The following BDKRB2 variants were observed in gnomAD, a reference collection of about 807,000 sequenced individuals.
BDKRB2 encodes the protein B2 bradykinin receptor.
BDKRB2 carries 6 observed loss-of-function variants against 4.0 expected under a neutral mutation model. That is an observed-to-expected ratio of 1.49 (90% CI 0.81 to 2.93). The LOEUF is 2.93. Ranked by LOEUF, BDKRB2 falls within the 30% of genes most tolerant of loss-of-function variation. BDKRB2 has a pLI of 0.00. For synonymous variants in BDKRB2, 225 were observed against 215.3 expected (o/e 1.05, Z -0.40); for missense variants, 478 against 520.1 (o/e 0.92, Z 0.79).
chr14:96,236,405 A>G (rs1329426761), intron 1 of BDKRB2, among the ~76,000 whole-genome samples: 1 of 152,086 alleles, frequency 6.6e-6, no homozygotes, highest in Non-Finnish European at 1.5e-5. Context: ...CAGTCTAAAC[A>G]CATGACCTTT....
At chr14:96,220,725 G>A (rs1173316348) in intron 1 of BDKRB2, among the ~76,000 whole-genome samples, 1 of 149,764 alleles carries the variant, frequency 6.7e-6, no homozygotes, top group Admixed American at 6.8e-5. Flanking sequence ...CAGCCCCCTC[G>A]CTTCCTGCTT....
intron 1 of BDKRB2, among the ~76,000 whole-genome samples, chr14:96,218,528 C>G (rs1890479651): frequency 6.6e-6 from 1 of 152,236 alleles, no homozygotes; most frequent in East Asian, 1.9e-4. Flanking sequence ...CAAGGGAAGC[C>G]CAAGGACATG....
At position 96,241,526 on chromosome 14, in the gene BDKRB2, G is replaced by C. The variant is rs375469624; in HGVS notation, c.*22G>C. ...GTGAGCAAACGCCAGCAGGGCTGCTGTGAATTTGTGTAAGGATTGAGGGAC... is the reference window on the plus strand; with the variant it reads ...GTGAGCAAACGCCAGCAGGGCTGCTCTGAATTTGTGTAAGGATTGAGGGAC... On this transcript the variant is annotated 3_prime_UTR_variant, in exon 3 of 3. Coordinates refer to ENST00000554311, the MANE Select transcript of BDKRB2 (RefSeq NM_001379692.1). 7 of 1,508,552 alleles carry C rather than the reference G, an allele frequency of 4.6e-6. No individual in the cohort carries two copies. Among genetic ancestry groups the C allele is most frequent in the Non-Finnish European group, 6.2e-6 (7 of 1,136,592 alleles). The allele number at this position is 1,508,552 out of a possible 1,614,324, so 93.4% of individuals were successfully genotyped here.
intron 1 of BDKRB2, among the ~76,000 whole-genome samples, chr14:96,212,923 G>T (rs984858305): frequency 6.6e-6 from 1 of 151,892 alleles, no homozygotes; most frequent in African/African-American, 2.4e-5. Context: ...TGCTTCATAT[G>T]CTTTATAGGA....
chr14:96,229,822 A>G (rs1451298918), intron 1 of BDKRB2, among the ~76,000 whole-genome samples: 1 of 152,180 alleles, frequency 6.6e-6, no homozygotes, highest in Non-Finnish European at 1.5e-5. Flanking sequence ...ATTAAATTAA[A>G]TTAAATTGAA....
chr14:96,228,292 T>G (rs1354572520), intron 1 of BDKRB2, among the ~76,000 whole-genome samples: 2 of 152,242 alleles, frequency 1.3e-5, no homozygotes, highest in African/African-American at 4.8e-5. Flanking sequence ...TGCCATTCAC[T>G]GATGGCTAAG....
At chr14:96,216,743 A>G (rs1890431101) in intron 1 of BDKRB2, among the ~76,000 whole-genome samples, 1 of 97,602 alleles carries the variant, frequency 1.0e-5, no homozygotes, top group Non-Finnish European at 2.0e-5. Context: ...AAGGAGGAGG[A>G]GGAGGAAGGA....
At chr14:96,220,516 T>A (rs1475023345) in intron 1 of BDKRB2, among the ~76,000 whole-genome samples, 1 of 151,998 alleles carries the variant, frequency 6.6e-6, no homozygotes, top group Non-Finnish European at 1.5e-5. Context: ...ATCATCAAGG[T>A]CTTTTTGTCC....
intron 1 of BDKRB2, among the ~76,000 whole-genome samples, chr14:96,221,152 G>C (rs1474867482): frequency 6.6e-6 from 1 of 152,088 alleles, no homozygotes; most frequent in Non-Finnish European, 1.5e-5. Context: ...GATAGTACCA[G>C]TGCCTGCATC....
At chr14:96,235,807 CCACACATG>C (rs1890919365) in intron 1 of BDKRB2, among the ~76,000 whole-genome samples, 1 of 142,826 alleles carries the variant, frequency 7.0e-6, no homozygotes, top group Non-Finnish European at 1.6e-5. Flanking sequence ...ACCCACATAC[CCACACATG>C]CACACACACA....
intron 1 of BDKRB2, among the ~76,000 whole-genome samples, chr14:96,216,352 C>T (rs1364746654): frequency 6.6e-6 from 1 of 152,016 alleles, no homozygotes; most frequent in Non-Finnish European, 1.5e-5. Context: ...AGAAGTAGGC[C>T]AGGCATGGTA....
At chr14:96,206,817 C>T (rs968715690) in intron 1 of BDKRB2, among the ~76,000 whole-genome samples, 7 of 152,156 alleles carry the variant, frequency 4.6e-5, no homozygotes, top group African/African-American at 1.4e-4. Flanking sequence ...ATAAGAAATA[C>T]TTTAGACTGG....
At chr14:96,237,281 T>C (rs2139796484) in intron 2 of BDKRB2, 100 bp downstream of exon 2, 2 of 1,128,432 alleles carry the variant, frequency 1.8e-6, no homozygotes, top group South Asian at 2.8e-5. Flanking sequence ...GGACAACAGT[T>C]GAAGGAACCA....
At chr14:96,237,577 C>T in intron 2 of BDKRB2, 1 of 1,169,214 alleles carries the variant, frequency 8.6e-7, no homozygotes, top group Non-Finnish European at 1.1e-6. Context: ...TCAGAACACC[C>T]TAAAGAGAGA....
At chr14:96,236,746 TCA>T (rs1202130436) in intron 1 of BDKRB2, among the ~76,000 whole-genome samples, 27 of 152,190 alleles carry the variant, frequency 1.8e-4, no homozygotes, top group Non-Finnish European at 8.8e-5. Context: ...CTGCTCACCC[TCA>T]GTGTTCTCAT....
intron 2 of BDKRB2, 88 bp downstream of exon 2, chr14:96,237,269 C>A: frequency 8.0e-7 from 1 of 1,248,108 alleles, no homozygotes; most frequent in Non-Finnish European, 1.2e-6. Context: ...CTCTCATGCC[C>A]CGGACAACAG....
chr14:96,218,102 A>G (rs1173165007), intron 1 of BDKRB2, among the ~76,000 whole-genome samples: 2 of 152,108 alleles, frequency 1.3e-5, no homozygotes, highest in African/African-American at 4.8e-5. Context: ...CAAACCCACC[A>G]TGGCATGAGC....
At chr14:96,238,866 G>T (rs1595264959) in intron 2 of BDKRB2, 10 of 986,754 alleles carry the variant, frequency 1.0e-5, no homozygotes, top group Non-Finnish European at 1.1e-5. Context: ...CAGTTGTCAG[G>T]AGTCAGGCAG....
At position 96,217,918 on chromosome 14, in the gene BDKRB2, G is replaced by A. The variant is rs952086535; in HGVS notation, c.-40+12959G>A. Among the ~76,000 whole-genome samples, 8 of 152,144 alleles carry A rather than the reference G, an allele frequency of 5.3e-5. No individual in the cohort carries two copies. The East Asian group carries it at 7.7e-4, about 15-fold the overall frequency. Reference sequence around the variant, plus strand: ...ACCACAATCAACCCGGCTCTTTCTCGGTTCTTTTCATCTCTCTGGTGGTTT... The same window carrying A: ...ACCACAATCAACCCGGCTCTTTCTCAGTTCTTTTCATCTCTCTGGTGGTTT... On this transcript the variant is annotated intron_variant, in intron 1 of 2. Transcript: ENST00000554311.
Sources: allele counts gnomAD v4.1 joint callset (sites outside exome capture counted in the v4.1 genomes callset), GRCh38; gene constraint gnomAD v4.1.1; transcripts MANE v1.5; gene names NCBI Gene and HGNC (gene_info 2026-07-23, HGNC 2026-07-21).